MMP26: variants seen among roughly 807,000 people sequenced by gnomAD.
MMP26 encodes matrix metalloproteinase-26.
MMP26 carries 33 observed loss-of-function variants against 31.0 expected under a neutral mutation model. The ratio of observed to expected loss-of-function variants is 1.06; its 90% CI spans 0.81 to 1.42. The LOEUF (loss-of-function observed/expected upper bound fraction) is 1.42. Among genes scored for constraint, MMP26 ranks in the 40% most tolerant of loss-of-function variants. The pLI, the probability that MMP26 is intolerant of heterozygous loss-of-function variation, is 0.00. For synonymous variants in MMP26, 122 were observed against 114.9 expected, an observed-to-expected ratio of 1.06 and a Z score of -0.40; for missense variants, 347 against 316.1, an observed-to-expected ratio of 1.10 and a Z score of -0.74.
chr11:4,901,146 GTGC>G (rs1850794237), intron 2 of MMP26, among the ~76,000 whole-genome samples: 1 of 112,482 alleles, frequency 8.9e-6, no homozygotes, highest in Non-Finnish European at 1.7e-5. Context: ...TCACCTCTTT[GTGC>G]TTTTTTTTTT....
intron 1 of MMP26, among the ~76,000 whole-genome samples, chr11:4,717,841 C>T (rs752858713): frequency 2.6e-5 from 4 of 152,016 alleles, no homozygotes; most frequent in Non-Finnish European, 4.4e-5. Flanking sequence ...GTATTTTAAC[C>T]CAGTTAAAAT....
intron 2 of MMP26, among the ~76,000 whole-genome samples, chr11:4,826,015 A>G (rs1849573933): frequency 6.6e-6 from 1 of 152,166 alleles, no homozygotes; most frequent in Admixed American, 6.6e-5. Context: ...AGAATTCAGT[A>G]GAAACAGCTA....
chr11:4,803,724 C>T, intron 2 of MMP26: 1 of 1,613,790 alleles, frequency 6.2e-7, no homozygotes, highest in South Asian at 1.1e-5. Context: ...TCACGTATGA[C>T]ATACCAATGA....
chr11:4,772,769 G>A (rs1357389187), intron 2 of MMP26, among the ~76,000 whole-genome samples: 1 of 152,154 alleles, frequency 6.6e-6, no homozygotes, highest in Non-Finnish European at 1.5e-5. Context: ...TCACATTCAA[G>A]CCTTTTGTTT....
chr11:4,807,620 G>A (rs1204783955), intron 2 of MMP26, among the ~76,000 whole-genome samples: 1 of 151,124 alleles, frequency 6.6e-6, no homozygotes, highest in East Asian at 2.0e-4. Context: ...GCCTGTCTGG[G>A]GGTGGGGGGT....
intron 1 of MMP26, chr11:4,709,530 T>C: frequency 2.5e-6 from 1 of 399,026 alleles, no homozygotes; most frequent in South Asian, 1.9e-5. Flanking sequence ...TTACAGGACA[T>C]AGTTCTTTTC....
At chr11:4,769,036 G>A in intron 2 of MMP26, 1 of 1,536,838 alleles carries the variant, frequency 6.5e-7, no homozygotes, top group Non-Finnish European at 8.8e-7. Context: ...TTTTTACACT[G>A]TCGATGATGG....
chr11:4,885,973 T>C (rs75265800), intron 2 of MMP26, among the ~76,000 whole-genome samples: 3,078 of 152,190 alleles, frequency 0.02, 97 homozygotes, highest in African/African-American at 0.069. Flanking sequence ...AACTCCATGA[T>C]AGTAGGCCTA....
intron 2 of MMP26, among the ~76,000 whole-genome samples, chr11:4,839,613 G>A (rs1849767353): frequency 6.6e-6 from 1 of 151,800 alleles, no homozygotes; most frequent in Non-Finnish European, 1.5e-5. Flanking sequence ...CTGCCTTGAA[G>A]GGAAGGACCT....
intron 2 of MMP26, among the ~76,000 whole-genome samples, chr11:4,823,148 A>T (rs1470291637): frequency 1.3e-5 from 2 of 152,164 alleles, no homozygotes; most frequent in East Asian, 3.8e-4. Context: ...AGGCTGGCTG[A>T]TATCAACGTA....
In MMP26 at chr11:4,880,632, G is replaced by A. The variant is rs191794517; in HGVS notation, c.-144-107436G>A. On this transcript the variant is annotated intron_variant, in intron 2 of 7. Transcript: ENST00000380390. ...TAACTAGCATTGAGAGATTAAAAAC[G>A]TGCATTCCCAAACTTTCAAGAATCT... 6.0e-4 allele frequency among the ~76,000 whole-genome samples: 91 copies of A among 152,202 alleles called. 1 individual carries two copies. The highest frequency in any genetic ancestry group is 2.0e-3 in the African/African-American group (85 of 41,534).
At chr11:4,783,412 G>A (rs143228513) in intron 2 of MMP26, among the ~76,000 whole-genome samples, 2,299 of 152,344 alleles carry the variant, frequency 0.015, 37 homozygotes, top group Non-Finnish European at 0.022. Context: ...TGGAATGGCT[G>A]TATTTACCCA....
Position 4,925,508 on chromosome 11 carries a change from G to C in MMP26, c.-144-62560G>C, listed in dbSNP as rs7947674. ...ATTTAAAGAGAAATTTCTGGGGAGA[G>C]GGTCTAGAGGATATTATATGTAGCG... On this transcript the variant is annotated intron_variant, in intron 2 of 7. Transcript: ENST00000380390. Among the ~76,000 whole-genome samples, 649 of 152,130 alleles carry C rather than the reference G, an allele frequency of 4.3e-3. 2 individuals are homozygous for C. The highest frequency in any genetic ancestry group is 0.015 in the African/African-American group (624 of 41,508).
intron 2 of MMP26, among the ~76,000 whole-genome samples, chr11:4,976,057 T>A (rs1258441767): frequency 1.3e-5 from 2 of 152,016 alleles, no homozygotes; most frequent in Non-Finnish European, 2.9e-5. Flanking sequence ...TTCTGGAAGA[T>A]TATTTTATTT....
chr11:4,756,148 G>A (rs1398189428), intron 1 of MMP26, among the ~76,000 whole-genome samples: 14 of 151,978 alleles, frequency 9.2e-5, no homozygotes, highest in Non-Finnish European at 1.8e-4. Flanking sequence ...CTAAAAAATA[G>A]AATTAAAGTG....
intron 2 of MMP26, among the ~76,000 whole-genome samples, chr11:4,830,858 T>C (rs904218938): frequency 3.3e-5 from 5 of 150,228 alleles, no homozygotes; most frequent in Non-Finnish European, 7.4e-5. Flanking sequence ...CCAAGTGCAA[T>C]AGGAAAAAAT....
intron 2 of MMP26, chr11:4,859,686 A>T (rs553788844): frequency 6.4e-6 from 3 of 470,978 alleles, no homozygotes; most frequent in African/African-American, 6.0e-5. Flanking sequence ...CACTGTAGAC[A>T]ATGGGGTTTA....
intron 1 of MMP26, chr11:4,723,151 G>T: frequency 6.3e-7 from 1 of 1,599,286 alleles, no homozygotes; most frequent in Non-Finnish European, 8.6e-7. Context: ...CATCCTTAAT[G>T]GCCAGCTCCC....
chr11:4,816,802 C>T (rs1209483668), intron 2 of MMP26, among the ~76,000 whole-genome samples: 1 of 142,650 alleles, frequency 7.0e-6, no homozygotes, highest in Non-Finnish European at 1.5e-5. Flanking sequence ...CTCATGGGTT[C>T]ACGCCGTTCT....
Sources: gnomAD v4.1 joint callset for allele counts (sites outside exome capture counted in the v4.1 genomes callset) on GRCh38, gnomAD v4.1.1 for gene constraint, MANE v1.5 for transcripts, NCBI Gene and HGNC (gene_info 2026-07-23, HGNC 2026-07-21) for gene names.